Variants in GNB5 observed in about 807,000 individuals in gnomAD.
GNB5 encodes the protein guanine nucleotide-binding protein subunit beta-5.
GNB5 carries 37 observed loss-of-function variants against 55.3 expected under a neutral mutation model. The ratio of observed to expected loss-of-function variants is 0.67; its 90% CI spans 0.51 to 0.88. The LOEUF (loss-of-function observed/expected upper bound fraction) is 0.88. Ranked by LOEUF, GNB5 falls within the 40% of genes least tolerant of loss-of-function variation. The pLI, the probability that GNB5 is intolerant of heterozygous loss-of-function variation, is 0.00. For missense variants in GNB5, 476 were observed against 515.3 expected, an observed-to-expected ratio of 0.92 and a Z score of 0.74; for synonymous variants, 219 against 198.5, an observed-to-expected ratio of 1.10 and a Z score of -0.87.
intron 6 of GNB5, among the ~76,000 whole-genome samples, chr15:52,145,297 A>G (rs2033947132): frequency 6.6e-6 from 1 of 152,072 alleles, no homozygotes; most frequent in Non-Finnish European, 1.5e-5. Flanking sequence ...AAATACTGGC[A>G]TCCATCTATA....
At chr15:52,161,815 G>A (rs967847896) in intron 3 of GNB5, among the ~76,000 whole-genome samples, 5 of 152,216 alleles carry the variant, frequency 3.3e-5, no homozygotes, top group Non-Finnish European at 7.3e-5. Context: ...CATGATGGAC[G>A]GGTCCCAACT....
At chr15:52,143,384 C>G (rs897773146) in intron 6 of GNB5, among the ~76,000 whole-genome samples, 1 of 152,186 alleles carries the variant, frequency 6.6e-6, no homozygotes, top group Non-Finnish European at 1.5e-5. Flanking sequence ...TGTCGAATCT[C>G]TGCTTTAGTA....
intron 4 of GNB5, among the ~76,000 whole-genome samples, chr15:52,151,825 G>A (rs1375448340): frequency 1.3e-5 from 2 of 152,036 alleles, no homozygotes; most frequent in African/African-American, 4.8e-5. Context: ...ATAATAATGG[G>A]CAGGGCAAGG....
chr15:52,183,462 C>T (rs2034803353), intron 2 of GNB5, among the ~76,000 whole-genome samples: 2 of 152,170 alleles, frequency 1.3e-5, no homozygotes, highest in Non-Finnish European at 2.9e-5. Context: ...CCCACTACAC[C>T]TAGGCTGAAG....
chr15:52,160,767 C>T (rs1021772219), intron 3 of GNB5, among the ~76,000 whole-genome samples: 1 of 152,114 alleles, frequency 6.6e-6, no homozygotes, highest in Non-Finnish European at 1.5e-5. Context: ...ATTTGGGGGA[C>T]TACAGGCATG....
At chr15:52,154,228 T>C in intron 3 of GNB5, 152 bp from the exon 4 acceptor site, 1 of 619,224 alleles carries the variant, frequency 1.6e-6, no homozygotes, top group Non-Finnish European at 2.7e-6. Context: ...TTCCTTACCA[T>C]TGCATCCTAG....
intron 2 of GNB5, chr15:52,180,857 C>G (rs2034757473): frequency 6.6e-6 from 1 of 152,276 alleles, no homozygotes; most frequent in Non-Finnish European, 1.5e-5. Context: ...CACTTATTCC[C>G]ACTTTACAGA....
At position 52,136,167 on chromosome 15, in the gene GNB5, CACACA is replaced by C. The variant is rs1295671235; in HGVS notation, c.628-416_628-412del. ...ACACACACACACACACACACACACA[CACACA>C]CCCTACCTGCTGTATCTGGGTTCAT... On this transcript the variant is annotated intron_variant, in intron 7 of 12. Coordinates refer to ENST00000261837, the MANE Select transcript of GNB5 (RefSeq NM_016194.4). Among the ~76,000 whole-genome samples the C allele has an allele frequency of 4.0e-3, 489 of 122,404 alleles. 7 individuals are homozygous for C. Among genetic ancestry groups the C allele is most frequent in the Admixed American group, 5.2e-3 (65 of 12,508 alleles). The allele number at this position is 122,404 out of a possible 152,430, so 80.3% of individuals were successfully genotyped here.
intron 12 of GNB5, 88 bp from the exon 13 acceptor site, chr15:52,122,856 A>G: frequency 1.1e-6 from 1 of 929,390 alleles, no homozygotes; most frequent in South Asian, 1.3e-5. Flanking sequence ...TAGTCTATTC[A>G]CACACATGCA....
At chr15:52,135,838 G>T (rs1375659010) in intron 7 of GNB5, 82 bp from the exon 8 acceptor site, 14 of 1,154,494 alleles carry the variant, frequency 1.2e-5, no homozygotes, top group Non-Finnish European at 1.7e-5. Context: ...TTAACGTTCC[G>T]CAGGGAAAAG....
chr15:52,124,370 G>A, intron 12 of GNB5, 103 bp downstream of exon 12: 1 of 905,002 alleles, frequency 1.1e-6, no homozygotes, highest in East Asian at 2.5e-5. Context: ...GGCTGACCAG[G>A]CCCACCTGAG....
In GNB5 at chr15:52,136,172, A is replaced by ACACACACACACACACC. The variant is rs1168734914; in HGVS notation, c.628-417_628-416insGGTGTGTGTGTGTGTG. 2.2e-3 allele frequency among the ~76,000 whole-genome samples: 217 copies of ACACACACACACACACC among 100,088 alleles called. 26 individuals carry two copies. Among genetic ancestry groups the ACACACACACACACACC allele is most frequent in the African/African-American group, 9.1e-3 (208 of 22,760 alleles). The allele number at this position is 100,088 out of a possible 152,430, so 65.7% of individuals were successfully genotyped here. A position where few individuals can be genotyped will look rare whatever the true frequency, so the allele number is the denominator to read the frequency against. ...CACACACACACACACACACACACAC[A>ACACACACACACACACC]CCCTACCTGCTGTATCTGGGTTCAT... On this transcript the variant is annotated intron_variant, in intron 7 of 12. Transcript: ENST00000261837.
chr15:52,154,816 C>G (rs969615784), intron 3 of GNB5, among the ~76,000 whole-genome samples: 2 of 152,218 alleles, frequency 1.3e-5, no homozygotes, highest in Non-Finnish European at 2.9e-5. Context: ...ATGCAATGTC[C>G]TAAAAGTCTG....
intron 6 of GNB5, 154 bp downstream of exon 6, chr15:52,147,305 G>A: frequency 1.6e-6 from 1 of 610,136 alleles, no homozygotes; most frequent in South Asian, 1.7e-5. Context: ...GCTGGCTTAT[G>A]GTTTCTTCTT....
intron 3 of GNB5, among the ~76,000 whole-genome samples, chr15:52,176,443 C>T (rs973896032): frequency 3.9e-5 from 6 of 152,224 alleles, no homozygotes; most frequent in African/African-American, 1.4e-4. Context: ...CTAGCTTATA[C>T]TTCCACAAGT....
At chr15:52,138,676 C>A (rs1044147926) in intron 7 of GNB5, 5 of 152,144 alleles carry the variant, frequency 3.3e-5, no homozygotes, top group African/African-American at 1.2e-4. Flanking sequence ...AGTGGCTGTT[C>A]CAACTCACTG....
chr15:52,130,865 GC>G (rs1207324438), intron 9 of GNB5, among the ~76,000 whole-genome samples: 1 of 152,218 alleles, frequency 6.6e-6, no homozygotes, highest in African/African-American at 2.4e-5. Context: ...TCGCTCTACT[GC>G]CCAGGCTGGA....
intron 8 of GNB5, 60 bp from the exon 9 acceptor site, chr15:52,133,529 C>G (rs1235817528): frequency 9.5e-7 from 1 of 1,051,742 alleles, no homozygotes; most frequent in Admixed American, 1.7e-5. Context: ...AGACAAGGCA[C>G]GAGTCCCAGT....
chr15:52,122,706 T>A lies in GNB5; in HGVS notation c.*51A>T. 4 of 1,417,072 alleles carry A rather than the reference T, an allele frequency of 2.8e-6. No homozygotes were observed. The highest frequency in any genetic ancestry group is 4.0e-6 in the Non-Finnish European group (4 of 1,000,368). 87.8% of individuals were successfully genotyped at this position (1,417,072 alleles called of 1,614,324 possible). A position where few individuals can be genotyped will look rare whatever the true frequency, so the allele number is the denominator to read the frequency against. On this transcript the variant is annotated 3_prime_UTR_variant, in exon 13 of 13. Coordinates refer to ENST00000261837, the MANE Select transcript of GNB5 (RefSeq NM_016194.4). ...CCTCTAGAAGTAATATCTATTTACA[T>A]GTGAAGATTTCAAATTCTCAGGTAT...
Sources: allele counts gnomAD v4.1 joint callset (sites outside exome capture counted in the v4.1 genomes callset), GRCh38; gene constraint gnomAD v4.1.1; transcripts MANE v1.5; gene names NCBI Gene and HGNC (gene_info 2026-07-23, HGNC 2026-07-21).